PTPRD: variants seen among roughly 807,000 people sequenced by gnomAD.
PTPRD encodes the protein receptor-type tyrosine-protein phosphatase delta.
PTPRD carries 34 observed loss-of-function variants against 214.5 expected under a neutral mutation model. That is an observed-to-expected ratio of 0.16 (90% CI 0.12 to 0.21). PTPRD has a LOEUF of 0.21. Among genes scored for constraint, PTPRD ranks in the 10% least tolerant of loss-of-function variants. PTPRD has a pLI of 1.00. For missense variants in PTPRD, 2,545 were observed against 2,398.7 expected (o/e 1.06, Z -1.27); for synonymous variants, 1,128 against 845.7 (o/e 1.33, Z -5.79).
At chr9:8,555,683 A>C (rs2083507968) in intron 14 of PTPRD, among the ~76,000 whole-genome samples, 1 of 152,216 alleles carries the variant, frequency 6.6e-6, no homozygotes, top group East Asian at 1.9e-4. Flanking sequence ...ACAACTTAGA[A>C]TGCAGTTTCC....
At chr9:8,599,613 C>CCCCCCCCCCCTT (rs2094698008) in intron 14 of PTPRD, among the ~76,000 whole-genome samples, 1 of 53,428 alleles carries the variant, frequency 1.9e-5, no homozygotes, top group Non-Finnish European at 3.6e-5. Flanking sequence ...CCCGCCCACC[C>CCCCCCCCCCCTT]TTTTTTTTTT....
chr9:8,506,572 AC>A (rs2097546739), intron 22 of PTPRD, among the ~76,000 whole-genome samples: 1 of 152,170 alleles, frequency 6.6e-6, no homozygotes, highest in East Asian at 1.9e-4. Flanking sequence ...AAATTATTTA[AC>A]TTTTTTTCCA....
intron 33 of PTPRD, chr9:8,454,620 G>GA: frequency 6.2e-7 from 1 of 1,611,046 alleles, no homozygotes; most frequent in East Asian, 2.2e-5. Context: ...GCAAAAAAAG[G>GA]AAAAAGAAAG....
At chr9:9,821,394 G>A (rs1343008256) in intron 5 of PTPRD, among the ~76,000 whole-genome samples, 6 of 152,130 alleles carry the variant, frequency 3.9e-5, no homozygotes, top group Non-Finnish European at 8.8e-5. Context: ...TTTGTGTGTG[G>A]CTTTCCCTCT....
intron 7 of PTPRD, among the ~76,000 whole-genome samples, chr9:9,660,374 T>C (rs933453964): frequency 1.3e-5 from 2 of 151,994 alleles, no homozygotes; most frequent in Non-Finnish European, 2.9e-5. Context: ...TTATTTCAGC[T>C]ACCTTATTTT....
chr9:9,559,693 C>T (rs1283486509), intron 8 of PTPRD, among the ~76,000 whole-genome samples: 1 of 152,194 alleles, frequency 6.6e-6, no homozygotes, highest in Non-Finnish European at 1.5e-5. Context: ...TCCACTGTTG[C>T]CCTCCCATGA....
At chr9:9,196,667 C>T (rs754845904) in intron 9 of PTPRD, among the ~76,000 whole-genome samples, 9 of 152,262 alleles carry the variant, frequency 5.9e-5, no homozygotes, top group East Asian at 3.9e-4. Context: ...GTGAATATTA[C>T]GTGAAATCAT....
chr9:9,460,584 C>T (rs1477866537), intron 8 of PTPRD, among the ~76,000 whole-genome samples: 1 of 151,956 alleles, frequency 6.6e-6, no homozygotes, highest in Non-Finnish European at 1.5e-5. Context: ...AAATGCTTAA[C>T]AATAATCATC....
chr9:9,825,285 T>G (rs2052347380), intron 5 of PTPRD, among the ~76,000 whole-genome samples: 2 of 150,732 alleles, frequency 1.3e-5, no homozygotes, highest in South Asian at 2.1e-4. Flanking sequence ...TGAAATATAT[T>G]TAAATATACA....
At chr9:10,330,462 C>G (rs1484518723) in intron 3 of PTPRD, among the ~76,000 whole-genome samples, 1 of 151,752 alleles carries the variant, frequency 6.6e-6, no homozygotes, top group Non-Finnish European at 1.5e-5. Flanking sequence ...AATCTTCCCC[C>G]AACACATTTT....
intron 9 of PTPRD, among the ~76,000 whole-genome samples, chr9:9,275,408 G>C (rs1945214968): frequency 6.7e-6 from 1 of 149,832 alleles, no homozygotes; most frequent in Admixed American, 6.7e-5. Flanking sequence ...AGAGTCACCT[G>C]CATTCAGTGC....
At chr9:9,061,268 A>T (rs2099706841) in intron 10 of PTPRD, among the ~76,000 whole-genome samples, 1 of 152,220 alleles carries the variant, frequency 6.6e-6, no homozygotes, top group African/African-American at 2.4e-5. Flanking sequence ...CAGACAAAGC[A>T]TGTGAATGGA....
chr9:9,230,432 C>T (rs2099962397), intron 9 of PTPRD, among the ~76,000 whole-genome samples: 1 of 152,048 alleles, frequency 6.6e-6, no homozygotes, highest in African/African-American at 2.4e-5. Flanking sequence ...CAGTGTTTCC[C>T]TGAGATCTGT....
chr9:10,096,559 G>A (rs532985), intron 3 of PTPRD, among the ~76,000 whole-genome samples: 95,452 of 151,688 alleles, frequency 0.63, 30,652 homozygotes, highest in African/African-American at 0.73. Context: ...GTCTGTTCAT[G>A]TCCAATGCCC....
At chr9:9,364,442 C>A (rs2057276414) in intron 9 of PTPRD, among the ~76,000 whole-genome samples, 1 of 151,262 alleles carries the variant, frequency 6.6e-6, no homozygotes, top group Admixed American at 6.6e-5. Context: ...TGGACAGTTG[C>A]AATTTTAAAG....
intron 3 of PTPRD, among the ~76,000 whole-genome samples, chr9:10,220,579 C>T (rs2099567678): frequency 6.6e-6 from 1 of 151,878 alleles, no homozygotes; most frequent in South Asian, 2.1e-4. Flanking sequence ...TAATTGACAG[C>T]TGTCCTGTTA....
intron 12 of PTPRD, among the ~76,000 whole-genome samples, chr9:8,721,975 CAG>C (rs953588038): frequency 7.2e-4 from 110 of 152,246 alleles, no homozygotes; most frequent in African/African-American, 2.5e-3. Context: ...TTGCCCCCCT[CAG>C]GGGACAGTTC....
At chr9:10,539,038 C>T (rs1194316556) in intron 2 of PTPRD, among the ~76,000 whole-genome samples, 2 of 152,180 alleles carry the variant, frequency 1.3e-5, no homozygotes, top group Non-Finnish European at 1.5e-5. Context: ...TCCAAAGCAT[C>T]ACTCTTTCCA....
intron 8 of PTPRD, among the ~76,000 whole-genome samples, chr9:9,414,162 G>A (rs1412869): frequency 6.6e-6 from 1 of 152,090 alleles, no homozygotes; most frequent in East Asian, 1.9e-4. Flanking sequence ...CATCTCAAAA[G>A]GTATTCTGAG....
Sources: gnomAD v4.1 joint callset for allele counts (sites outside exome capture counted in the v4.1 genomes callset) on GRCh38, gnomAD v4.1.1 for gene constraint, MANE v1.5 for transcripts, NCBI Gene and HGNC (gene_info 2026-07-23, HGNC 2026-07-21) for gene names.